Variants in FRMPD4 observed in about 807,000 individuals in gnomAD.
FRMPD4 encodes the protein FERM and PDZ domain containing 4.
A neutral mutation model predicts 94.1 loss-of-function variants in FRMPD4; 22 were observed. The observed-to-expected ratio is 0.23, with a 90% CI of 0.17 to 0.33. The LOEUF is 0.33. Among genes scored for constraint, FRMPD4 ranks in the 10% least tolerant of loss-of-function variants. The pLI is 1.00. For missense variants in FRMPD4, 1,111 were observed against 1,339.9 expected, an observed-to-expected ratio of 0.83 and a Z score of 2.67; for synonymous variants, 631 against 548.6, an observed-to-expected ratio of 1.15 and a Z score of -2.10.
At chrX:12,095,459 A>G (rs1201980609) in intron 3 of FRMPD4, among the ~76,000 whole-genome samples, 4 of 111,473 alleles carry the variant, frequency 3.6e-5, no homozygotes, top group Non-Finnish European at 7.5e-5. Flanking sequence ...ATAAATTTCA[A>G]TTGAAACACA....
In FRMPD4 at chrX:12,451,572, A is replaced by G. The variant is rs183412527; in HGVS notation, c.42-47108A>G. ...ATGCTCACAGGTCAAGAACCAGGAAAAGGTCTTTAAATATGTAATATCTTT... is the reference window on the plus strand; with the variant it reads ...ATGCTCACAGGTCAAGAACCAGGAAGAGGTCTTTAAATATGTAATATCTTT... On this transcript the variant is annotated intron_variant, in intron 1 of 16. Transcript: ENST00000675598. Among the ~76,000 whole-genome samples the G allele has an allele frequency of 1.1e-3, 127 of 112,068 alleles. 1 individual carries two copies. Among genetic ancestry groups the G allele is most frequent in the Non-Finnish European group, 1.5e-3 (80 of 53,154 alleles).
At chrX:12,035,501 A>G (rs1410289396) in intron 3 of FRMPD4, among the ~76,000 whole-genome samples, 3 of 112,191 alleles carry the variant, frequency 2.7e-5, no homozygotes, top group Non-Finnish European at 5.6e-5. Flanking sequence ...AACAGTTTGT[A>G]TTGTAATAAA....
chrX:12,466,912 T>C (rs903685932), intron 1 of FRMPD4, among the ~76,000 whole-genome samples: 1 of 111,908 alleles, frequency 8.9e-6, no homozygotes, highest in Admixed American at 9.5e-5. Context: ...TTAACCAGTG[T>C]TGATATGTAT....
At chrX:11,831,937 T>A (rs1046738889) in intron 1 of FRMPD4, among the ~76,000 whole-genome samples, 2 of 112,345 alleles carry the variant, frequency 1.8e-5, no homozygotes, top group African/African-American at 6.5e-5. Flanking sequence ...GGGAAAATTA[T>A]GACTTATGAG....
intron 3 of FRMPD4, among the ~76,000 whole-genome samples, chrX:12,029,881 G>T (rs2147432153): frequency 9.0e-6 from 1 of 111,459 alleles, no homozygotes; most frequent in East Asian, 2.8e-4. Context: ...ACACTTAAGG[G>T]AGGGGATTAC....
chrX:12,364,062 A>G, intron 1 of FRMPD4, among the ~76,000 whole-genome samples: 1 of 111,780 alleles, frequency 8.9e-6, no homozygotes, highest in Admixed American at 9.5e-5. Context: ...TTTCCATATC[A>G]AGGAAAAAAT....
chrX:12,451,969 A>G (rs1251656139), intron 1 of FRMPD4, among the ~76,000 whole-genome samples: 1 of 110,540 alleles, frequency 9.0e-6, no homozygotes, highest in East Asian at 2.8e-4. Context: ...ATTCTCTAAT[A>G]CTTATACTAT....
chrX:12,623,993 A>G (rs2059323444), intron 4 of FRMPD4, among the ~76,000 whole-genome samples: 1 of 112,168 alleles, frequency 8.9e-6, no homozygotes, highest in African/African-American at 3.2e-5. Flanking sequence ...AGCCTGGGCA[A>G]CACAGTGCGA....
intron 3 of FRMPD4, among the ~76,000 whole-genome samples, chrX:11,947,954 G>A (rs2054198272): frequency 9.2e-6 from 1 of 108,579 alleles, no homozygotes; most frequent in Non-Finnish European, 1.9e-5. Context: ...GCCGGGCATG[G>A]TGGTGCATGC....
chrX:11,954,837 T>C (rs1389703423), intron 3 of FRMPD4, among the ~76,000 whole-genome samples: 2 of 110,322 alleles, frequency 1.8e-5, no homozygotes, highest in African/African-American at 6.6e-5. Flanking sequence ...ACCTTGTTGG[T>C]GTCCTTGGGG....
At chrX:12,514,196 G>C (rs1405599382) in intron 2 of FRMPD4, among the ~76,000 whole-genome samples, 1 of 111,222 alleles carries the variant, frequency 9.0e-6, no homozygotes, top group Non-Finnish European at 1.9e-5. Flanking sequence ...CTTCCTATTT[G>C]AATACCCTTT....
chrX:12,156,304 G>T (rs1354816679), intron 1 of FRMPD4, among the ~76,000 whole-genome samples: 1 of 111,509 alleles, frequency 9.0e-6, no homozygotes, highest in East Asian at 2.8e-4. Flanking sequence ...CCCTACCTCT[G>T]TTCCACTGCC....
chrX:12,295,476 C>G (rs2054757874), intron 1 of FRMPD4, among the ~76,000 whole-genome samples: 2 of 111,905 alleles, frequency 1.8e-5, no homozygotes, highest in Non-Finnish European at 3.8e-5. Context: ...TTTGTGAAGA[C>G]CAAATGACAT....
chrX:12,509,918 A>G (rs1248553830), intron 2 of FRMPD4, among the ~76,000 whole-genome samples: 1 of 112,029 alleles, frequency 8.9e-6, no homozygotes, highest in Non-Finnish European at 1.9e-5. Flanking sequence ...TTTAGCAACA[A>G]GTGGCATAGA....
chrX:12,678,614 T>C (rs932213753), intron 5 of FRMPD4, among the ~76,000 whole-genome samples: 2 of 111,490 alleles, frequency 1.8e-5, no homozygotes, highest in Non-Finnish European at 3.8e-5. Flanking sequence ...TCACCTGAGG[T>C]CGGGAGTTCG....
intron 1 of FRMPD4, among the ~76,000 whole-genome samples, chrX:12,438,172 C>T (rs927248313): frequency 8.1e-5 from 9 of 110,638 alleles, no homozygotes; most frequent in Non-Finnish European, 1.7e-4. Context: ...TTTCAGGTGA[C>T]GTTATAAGGG....
chrX:12,278,060 C>G (rs750962858), intron 1 of FRMPD4, among the ~76,000 whole-genome samples: 1 of 112,804 alleles, frequency 8.9e-6, no homozygotes, highest in Non-Finnish European at 1.9e-5. Context: ...CACAGATCCT[C>G]ATTTTTTATT....
intron 8 of FRMPD4, among the ~76,000 whole-genome samples, chrX:12,693,502 T>C (rs1459362150): frequency 1.8e-5 from 2 of 112,142 alleles, no homozygotes; most frequent in Non-Finnish European, 3.8e-5. Context: ...CTGTGGTATA[T>C]TTTAAGCTCC....
At chrX:12,190,135 C>T (rs1815991018) in intron 1 of FRMPD4, among the ~76,000 whole-genome samples, 1 of 110,859 alleles carries the variant, frequency 9.0e-6, no homozygotes, top group Non-Finnish European at 1.9e-5. Flanking sequence ...GAAATAAACA[C>T]TTATATATAA....
Sources: allele counts gnomAD v4.1 joint callset (sites outside exome capture counted in the v4.1 genomes callset), GRCh38; gene constraint gnomAD v4.1.1; transcripts MANE v1.5; gene names NCBI Gene and HGNC (gene_info 2026-07-23, HGNC 2026-07-21).